Variants in GMEB2 observed in about 807,000 individuals in gnomAD.
The protein encoded by GMEB2 is glucocorticoid modulatory element-binding protein 2.
Under a neutral mutation model 45.7 loss-of-function variants are expected in GMEB2, and 7 were observed. That is an observed-to-expected ratio of 0.15 (90% confidence interval 0.09 to 0.29). The LOEUF is 0.29. Among genes scored for constraint, GMEB2 ranks in the 10% least tolerant of loss-of-function variants. The probability of loss-of-function intolerance (pLI) is 1.00; values close to 1 mark genes in which losing one functional copy is unlikely to be tolerated. For synonymous variants in GMEB2, 322 were observed against 323.6 expected (o/e 1.00, Z 0.05); for missense variants, 582 against 739.2 (o/e 0.79, Z 2.47).
At position 63,605,404 on chromosome 20, in the gene GMEB2, G is replaced by A. The variant is rs1298920526; in HGVS notation, c.132-564C>T. Among the ~76,000 whole-genome samples, 20 of 150,784 alleles carry A rather than the reference G, an allele frequency of 1.3e-4. 1 individual carries two copies. The South Asian group carries it at 1.9e-3, about 14-fold the overall frequency. The stretch of plus-strand genomic sequence containing the variant: ...AAAAATTAGCTGGGTGTGGTGGCTC[G>A]AGCCCGTAATCCCAGCTACTCAGGA... On this transcript the variant is annotated intron_variant, in intron 2 of 9. Coordinates refer to ENST00000370077, the MANE Select transcript of GMEB2 (RefSeq NM_012384.5).
At chr20:63,626,335 G>A (rs1353295592) in intron 1 of GMEB2, among the ~76,000 whole-genome samples, 2 of 101,366 alleles carry the variant, frequency 2.0e-5, no homozygotes, top group African/African-American at 7.0e-5. Context: ...CGGGTCGGGT[G>A]CCTGCGGGGT....
intron 2 of GMEB2, among the ~76,000 whole-genome samples, chr20:63,609,092 C>A (rs1446147627): frequency 8.8e-6 from 1 of 113,600 alleles, no homozygotes; most frequent in Admixed American, 8.7e-5. Context: ...TTTCTAGAAA[C>A]ATGCCCCTCT....
intron 2 of GMEB2, among the ~76,000 whole-genome samples, chr20:63,613,230 AG>A (rs1214567158): frequency 6.6e-6 from 1 of 152,262 alleles, no homozygotes; most frequent in Non-Finnish European, 1.5e-5. Context: ...AGTTAACTCA[AG>A]CATAAGATGT....
chr20:63,603,512 C>T (rs1280180735), intron 3 of GMEB2, among the ~76,000 whole-genome samples: 1 of 151,984 alleles, frequency 6.6e-6, no homozygotes, highest in Non-Finnish European at 1.5e-5. Flanking sequence ...AGGCGGATCA[C>T]GAAGTCAAGA....
Position 63,592,106 on chromosome 20 carries a change from T to G in GMEB2, c.868A>C (p.Met290Leu). 3.7e-6 allele frequency: 6 copies of G among 1,613,682 alleles called. No individual in the cohort carries two copies. Among genetic ancestry groups the G allele is most frequent in the Non-Finnish European group, 5.1e-6 (6 of 1,179,812 alleles). The change falls in exon 9 of 10, where the codon ATG (methionine) becomes CTG (leucine). Residue 290 changes from methionine to leucine, a missense_variant. Met to Leu is a conservative substitution (Grantham distance 15). This residue lies in a region of GMEB2 where 462 missense variants were observed against 586.7 expected (regional missense o/e 0.79). Coordinates refer to ENST00000370077, the MANE Select transcript of GMEB2 (RefSeq NM_012384.5). This position sits in a 1 kb window ranked among gnomAD's most constrained non-coding sequence, Gnocchi z 8.2. The stretch of plus-strand genomic sequence containing the variant: ...AGCACCTTCTTCACCAGGTCCAGCA[T>G]GCCGAAGTTCTGCACGATGTTGTTG... ...LLNNIVQNFGMLDLVKKVLAS... is the reference protein window; with the variant it reads ...LLNNIVQNFGLLDLVKKVLAS...
chr20:63,597,978 C>A, intron 4 of GMEB2, 118 bp from the exon 5 acceptor site: 1 of 689,862 alleles, frequency 1.4e-6, no homozygotes. Flanking sequence ...CGGCACGGCT[C>A]TGACCGGTGC....
rs1227292091 is a variant in GMEB2 at position 63,593,672 on chromosome 20, T to G, written c.620-590A>C. On this transcript the variant is annotated intron_variant, in intron 6 of 9. Coordinates refer to ENST00000370077, the MANE Select transcript of GMEB2 (RefSeq NM_012384.5). The surrounding 1 kb of genome is among the most constrained non-coding windows in gnomAD (Gnocchi z 4.7). ...AGAACACAACTGGGCGTGTCGTTCA[T>G]ATGTGGCCATTTTGGGCGTTGCTGA... Among the ~76,000 whole-genome samples the G allele has an allele frequency of 6.6e-6, 1 of 150,700 alleles. No individual in the cohort carries two copies. Among genetic ancestry groups the G allele is most frequent in the Non-Finnish European group, 1.5e-5 (1 of 68,026 alleles).
chr20:63,610,725 G>A (rs1053388721), intron 2 of GMEB2, among the ~76,000 whole-genome samples: 9 of 152,170 alleles, frequency 5.9e-5, no homozygotes, highest in African/African-American at 1.7e-4. Flanking sequence ...CCACTGTCCC[G>A]CGAGGGCAGA....
intron 5 of GMEB2, among the ~76,000 whole-genome samples, chr20:63,597,245 T>C (rs914258871): frequency 2.0e-4 from 30 of 149,238 alleles, no homozygotes; most frequent in African/African-American, 7.2e-4. Context: ...CACTGCAGCC[T>C]TGACTTCCAG....
intron 4 of GMEB2, among the ~76,000 whole-genome samples, chr20:63,601,158 G>A (rs2083238932): frequency 6.6e-6 from 1 of 152,124 alleles, no homozygotes; most frequent in South Asian, 2.1e-4. Flanking sequence ...TATGGAGATA[G>A]GTATATAGAC....
intron 9 of GMEB2, among the ~76,000 whole-genome samples, chr20:63,591,181 AC>A (rs1423051268): frequency 6.6e-6 from 1 of 151,972 alleles, no homozygotes; most frequent in African/African-American, 2.4e-5. Context: ...ACATGCACAC[AC>A]ACATGCAGAG....
intron 4 of GMEB2, among the ~76,000 whole-genome samples, chr20:63,599,117 G>A (rs547071812): frequency 5.3e-5 from 8 of 152,258 alleles, no homozygotes; most frequent in Non-Finnish European, 1.2e-4. Context: ...GAGCTAACGC[G>A]GCCACTCCTG....
intron 1 of GMEB2, among the ~76,000 whole-genome samples, chr20:63,623,496 C>G (rs1261697030): frequency 3.9e-5 from 6 of 152,316 alleles, no homozygotes; most frequent in African/African-American, 1.4e-4. Context: ...TTTAAACAAA[C>G]ATGAATAAAA....
chr20:63,595,656 G>A lies in GMEB2; in HGVS notation c.573C>T (p.Ser191=). 1 of 1,613,716 alleles carries A rather than the reference G, an allele frequency of 6.2e-7. No homozygotes were observed. The highest frequency in any genetic ancestry group is 8.5e-7 in the Non-Finnish European group (1 of 1,179,776). Residue 191 remains serine (S), a synonymous_variant, in exon 6 of 10, where the codon AGC becomes AGT. Transcript: ENST00000370077. ...GGGGAATGTACTCGGCCGACGTGGG[G>A]CTGCTCAGGGACACACGGGCTCCTG... The part of the protein sequence containing the change: ...DLSGARVSLS[S]PTSAEYIPLT...
At position 63,589,250 on chromosome 20, in the gene GMEB2, C is replaced by T. The variant is rs1354664942; in HGVS notation, c.*839G>A. On this transcript the variant is annotated 3_prime_UTR_variant, in exon 10 of 10. Transcript: ENST00000370077. Reference sequence around the variant, plus strand: ...AGGGACAGGCTGCCCAGGACCTCCGCACCCGGTCAAGTGCACTCACAGGGG... The same window carrying T: ...AGGGACAGGCTGCCCAGGACCTCCGTACCCGGTCAAGTGCACTCACAGGGG... 1.0e-5 allele frequency: 4 copies of T among 398,798 alleles called. No individual in the cohort carries two copies. Among genetic ancestry groups the T allele is most frequent in the Non-Finnish European group, 8.8e-6 (2 of 226,162 alleles). 24.7% of individuals were successfully genotyped at this position (398,798 alleles called of 1,614,324 possible).
chr20:63,626,776 C>CCGCCTGACGCCGCCGTTG (rs1257112335), intron 1 of GMEB2, among the ~76,000 whole-genome samples, 180 bp downstream of exon 1: 6 of 146,626 alleles, frequency 4.1e-5, no homozygotes, highest in South Asian at 4.1e-4. Flanking sequence ...CCCGCGCCGC[C>CCGCCTGACGCCGCCGTTG]CGCCTGACGC....
chr20:63,626,393 C>T (rs2089672804), intron 1 of GMEB2, among the ~76,000 whole-genome samples: 1 of 82,392 alleles, frequency 1.2e-5, no homozygotes, highest in African/African-American at 4.0e-5. Context: ...GCGGGGTGGC[C>T]CCTGGGGATC....
At chr20:63,591,375 G>GT (rs1284441495) in intron 9 of GMEB2, among the ~76,000 whole-genome samples, 1 of 152,106 alleles carries the variant, frequency 6.6e-6, no homozygotes, top group Non-Finnish European at 1.5e-5. Context: ...TGAACACACA[G>GT]TAAGCACAGA....
chr20:63,611,094 G>A (rs1403386873), intron 2 of GMEB2, among the ~76,000 whole-genome samples: 4 of 152,250 alleles, frequency 2.6e-5, no homozygotes, highest in Non-Finnish European at 5.9e-5. Context: ...AAGCCACCAA[G>A]CTCTGCGGTG....
Sources: gnomAD v4.1 joint callset for allele counts (sites outside exome capture counted in the v4.1 genomes callset) on GRCh38, gnomAD v4.1.1 for gene constraint, gnomAD v4.1.1 regional missense constraint, Gnocchi (gnomAD v3.1) non-coding constraint, MANE v1.5 for transcripts, NCBI Gene and HGNC (gene_info 2026-07-23, HGNC 2026-07-21) for gene names.